Variants in DNAI1 observed in about 807,000 individuals in gnomAD.
The protein encoded by DNAI1 is dynein, axonemal, intermediate polypeptide 1.
A neutral mutation model predicts 92.0 loss-of-function variants in DNAI1; 67 were observed. That is an observed-to-expected ratio of 0.73 (90% CI 0.60 to 0.89). The LOEUF is 0.89. Among genes scored for constraint, DNAI1 ranks in the 40% least tolerant of loss-of-function variants. The probability of loss-of-function intolerance (pLI) is 0.00; values close to 1 mark genes in which losing one functional copy is unlikely to be tolerated. For missense variants in DNAI1, 839 were observed against 866.6 expected (o/e 0.97, Z 0.40); for synonymous variants, 323 against 319.6 (o/e 1.01, Z -0.11).
At chr9:34,490,721 G>A (rs534904046) in intron 7 of DNAI1, among the ~76,000 whole-genome samples, 1 of 152,212 alleles carries the variant, frequency 6.6e-6, no homozygotes, top group South Asian at 2.1e-4. Context: ...AAACTCCACT[G>A]GAAGGCTTCA....
chr9:34,460,504 A>G (rs1437599245), intron 1 of DNAI1, among the ~76,000 whole-genome samples: 45 of 152,116 alleles, frequency 3.0e-4, no homozygotes, highest in Admixed American at 2.9e-3. Context: ...GATGGACCTG[A>G]CTTTCTTAGG....
At chr9:34,516,664 G>A (rs2132085764) in intron 18 of DNAI1, among the ~76,000 whole-genome samples, 1 of 152,192 alleles carries the variant, frequency 6.6e-6, no homozygotes, top group South Asian at 2.1e-4. Flanking sequence ...ATGAGGTGAT[G>A]CAACCGTATG....
chr9:34,497,259 G>T (rs934802496), intron 10 of DNAI1, 60 bp downstream of exon 10: 8 of 1,416,376 alleles, frequency 5.6e-6, no homozygotes, highest in Middle Eastern at 3.5e-4. Flanking sequence ...TCTCATAAAA[G>T]CTTGGGTTAT....
intron 1 of DNAI1, among the ~76,000 whole-genome samples, chr9:34,463,429 C>A (rs1464430494): frequency 6.6e-6 from 1 of 152,194 alleles, no homozygotes. Flanking sequence ...TAAACCATGA[C>A]CAGCTCAAAA....
At position 34,506,670 on chromosome 9, in the gene DNAI1, C is replaced by T; in HGVS notation, c.1107C>T (p.Ser369=). The T allele has an allele frequency of 1.2e-6, 2 of 1,614,218 alleles. No homozygotes were observed. The highest frequency in any genetic ancestry group is 1.7e-6 in the Non-Finnish European group (2 of 1,180,042). The change falls in exon 13 of 20, where the codon AGC becomes AGT. Residue 369 remains serine (S), a synonymous_variant. Coordinates refer to ENST00000242317, the MANE Select transcript of DNAI1 (RefSeq NM_012144.4). ...KQSRGMLLLY[S]LKNPSFPEYM... ...GCCGGGGCATGCTGCTGCTCTACAG[C>T]CTGAAGAACCCCAGCTTCCCTGAGT... is the stretch of plus-strand genomic sequence containing the variant.
chr9:34,467,159 G>A (rs373369755), intron 1 of DNAI1, among the ~76,000 whole-genome samples: 5 of 152,134 alleles, frequency 3.3e-5, no homozygotes, highest in South Asian at 2.1e-4. Flanking sequence ...TGAATTGTGC[G>A]GGAAGGGGCC....
At chr9:34,500,922 C>T (rs1824819770) in intron 11 of DNAI1, 83 bp downstream of exon 11, 2 of 1,149,614 alleles carry the variant, frequency 1.7e-6, no homozygotes, top group African/African-American at 3.1e-5. Context: ...CTGCACTTAA[C>T]CACCTTGAGT....
At chr9:34,491,836 C>T (rs918909454) in intron 8 of DNAI1, among the ~76,000 whole-genome samples, 11 of 152,196 alleles carry the variant, frequency 7.2e-5, no homozygotes, top group Non-Finnish European at 1.5e-5. Context: ...CTTCCATGAC[C>T]AGGGGAGAAC....
chr9:34,481,100 G>A (rs1824344397), intron 1 of DNAI1, among the ~76,000 whole-genome samples: 1 of 152,148 alleles, frequency 6.6e-6, no homozygotes, highest in Non-Finnish European at 1.5e-5. Flanking sequence ...AATTAGCCGG[G>A]CGTGGTGGCA....
chr9:34,482,870 G>C (rs994783394), intron 1 of DNAI1, among the ~76,000 whole-genome samples: 1 of 152,254 alleles, frequency 6.6e-6, no homozygotes, highest in Non-Finnish European at 1.5e-5. Flanking sequence ...TGGGTGGGAG[G>C]CTCAGGCATG....
chr9:34,484,924 AC>A (rs1824440483), intron 2 of DNAI1: 3 of 516,014 alleles, frequency 5.8e-6, no homozygotes, highest in African/African-American at 1.9e-5. Context: ...GCTAAGCCTG[AC>A]CCCCAGGGCA....
chr9:34,501,289 C>T (rs577292174), intron 12 of DNAI1, 108 bp downstream of exon 12: 14 of 939,504 alleles, frequency 1.5e-5, no homozygotes, highest in South Asian at 9.1e-5. Flanking sequence ...GATGACTGCC[C>T]GCAGGGGGCT....
rs2296938 is a variant in DNAI1, at chr9:34,490,614, C to T, written c.621+126C>T. The T allele has an allele frequency of 0.013, 17,675 of 1,339,870 alleles. 572 individuals carry two copies. The highest frequency in any genetic ancestry group is 0.084 in the South Asian group (7,069 of 84,502). The allele number at this position is 1,339,870 out of a possible 1,614,324, so 83.0% of individuals were successfully genotyped here. A position where few individuals can be genotyped will look rare whatever the true frequency, so the allele number is the denominator to read the frequency against. On this transcript the variant is annotated intron_variant, in intron 7 of 19. Coordinates refer to ENST00000242317, the MANE Select transcript of DNAI1 (RefSeq NM_012144.4). ...GGTGACAGGACAACAGATGCTACAG[C>T]TTATCTCCCCAAGGAGAGCTGAGAG...
In DNAI1 at chr9:34,506,776, G is replaced by C. The variant is rs1564039508; in HGVS notation, c.1213G>C (p.Asp405His). The C allele has an allele frequency of 3.7e-6, 6 of 1,614,176 alleles. No homozygotes were observed. The highest frequency in any genetic ancestry group is 5.1e-6 in the Non-Finnish European group (6 of 1,180,034). The change falls in exon 13 of 20, where the codon GAC becomes CAC. Residue 405 changes from aspartate (D) to histidine (H), a missense_variant. Coordinates refer to ENST00000242317, the MANE Select transcript of DNAI1 (RefSeq NM_012144.4). Reference protein sequence around the residue: ...HPYLVAVGHYDGNVAIYNLKK... With the variant: ...HPYLVAVGHYHGNVAIYNLKK... ...CTACCTGGTGGCAGTAGGCCACTAT[G>C]ACGGCAACGTGGCCATTTACAACCT... is the stretch of plus-strand genomic sequence containing the variant.
rs1462236696 is a variant in DNAI1, at chr9:34,497,196, C to T, written c.898C>T (p.Gln300Ter). The stretch of plus-strand genomic sequence containing the variant: ...CCAGAATACATATGATGACATTGCT[C>T]AAGGTAAGAGTTGAAGTTCTGGCAA... ...VNQNTYDDIA[Q>*]DFKYYDDAAD... Residue 300 changes from glutamine (Q) to a stop codon, truncating the protein, a stop_gained, in exon 10 of 20, where the codon CAA (glutamine) becomes TAA (stop). Coordinates refer to ENST00000242317, the MANE Select transcript of DNAI1 (RefSeq NM_012144.4). LOFTEE classifies it high-confidence loss of function. 1 of 1,612,928 alleles carries T rather than the reference C, an allele frequency of 6.2e-7. No individual in the cohort carries two copies. The highest frequency in any genetic ancestry group is 1.1e-5 in the South Asian group (1 of 90,988).
intron 4 of DNAI1, among the ~76,000 whole-genome samples, chr9:34,488,905 G>C (rs1824525959): frequency 6.6e-6 from 1 of 152,166 alleles, no homozygotes; most frequent in African/African-American, 2.4e-5. Context: ...GATCTATCCA[G>C]CTTTAGAATC....
Position 34,493,241 on chromosome 9 carries a change from G to C in DNAI1, c.729G>C (p.Lys243Asn). 6.2e-7 allele frequency: 1 copy of C among 1,614,174 alleles called. No individual in the cohort carries two copies. Among genetic ancestry groups the C allele is most frequent in the Non-Finnish European group, 8.5e-7 (1 of 1,180,040 alleles). The change falls in exon 9 of 20, where the codon AAG becomes AAC. Residue 243 changes from lysine (K) to asparagine (N), a missense_variant. Physicochemically the swap from Lys to Asn is moderately conservative, Grantham distance 94 (BLOSUM62 0). Transcript: ENST00000242317. ...AYVEELEKQEKTKEKEKAKTP... is the reference protein window; with the variant it reads ...AYVEELEKQENTKEKEKAKTP... ...TAGAGGAACTTGAGAAGCAGGAAAA[G>C]ACCAAAGAGAAGGAGAAGGCAAAGA...
At chr9:34,500,033 G>C (rs1281023059) in intron 10 of DNAI1, among the ~76,000 whole-genome samples, 3 of 152,234 alleles carry the variant, frequency 2.0e-5, no homozygotes, top group South Asian at 2.1e-4. Flanking sequence ...ACCTGGGCAG[G>C]GGCTATGGGT....
intron 8 of DNAI1, 33 bp downstream of exon 8, chr9:34,491,587 C>T (rs766708589): frequency 2.5e-6 from 4 of 1,612,080 alleles, no homozygotes; most frequent in Non-Finnish European, 1.7e-6. Context: ...AACCTCTTAC[C>T]ACCCACCTCT....
Sources: gnomAD v4.1 joint callset for allele counts (sites outside exome capture counted in the v4.1 genomes callset) on GRCh38, gnomAD v4.1.1 for gene constraint, MANE v1.5 for transcripts, NCBI Gene and HGNC (gene_info 2026-07-23, HGNC 2026-07-21) for gene names.